Variants in KMT2C observed in about 807,000 individuals in gnomAD.
KMT2C encodes the protein histone-lysine N-methyltransferase 2C.
KMT2C carries 88 observed loss-of-function variants against 507.9 expected under a neutral mutation model. The ratio of observed to expected loss-of-function variants is 0.17; its 90% CI spans 0.15 to 0.21. The LOEUF (loss-of-function observed/expected upper bound fraction) is 0.21, where lower values mean the gene tolerates loss of function less well. Among genes scored for constraint, KMT2C ranks in the 10% least tolerant of loss-of-function variants. The probability of loss-of-function intolerance (pLI) is 1.00; values close to 1 mark genes in which losing one functional copy is unlikely to be tolerated. For missense variants in KMT2C, 4,954 were observed against 5,957.8 expected, an observed-to-expected ratio of 0.83 and a Z score of 5.55; for synonymous variants, 2,049 against 2,080.8, an observed-to-expected ratio of 0.98 and a Z score of 0.42.
rs2093257549 is a variant in KMT2C, at chr7:152,177,546, C to T, written c.7907G>A (p.Gly2636Asp). Residue 2636 changes from glycine to aspartate, a missense_variant, in exon 38 of 59, where the codon GGT becomes GAT. By Grantham distance (94) the Gly-to-Asp change is moderately conservative. Around this residue, in one of 29 missense-constraint regions of KMT2C, gnomAD observed 1,689 missense variants for 1,654.3 expected, o/e 1.02. Coordinates refer to ENST00000262189, the MANE Select transcript of KMT2C (RefSeq NM_170606.3). Reference protein sequence around the residue: ...EQVPPSQQEQGHSVHSSSMVM... With the variant: ...EQVPPSQQEQDHSVHSSSMVM... ...CATAGAAGATGAATGGACAGAATGACCTTGCTCTTGTTGAGATGGTGGCAC... is the reference window on the plus strand; with the variant it reads ...CATAGAAGATGAATGGACAGAATGATCTTGCTCTTGTTGAGATGGTGGCAC... The T allele has an allele frequency of 1.2e-6, 2 of 1,614,038 alleles. No individual in the cohort carries two copies. Among genetic ancestry groups the T allele is most frequent in the African/African-American group, 1.3e-5 (1 of 74,916 alleles).
At chr7:152,405,538 C>T (rs992971790) in intron 1 of KMT2C, among the ~76,000 whole-genome samples, 11 of 150,578 alleles carry the variant, frequency 7.3e-5, no homozygotes, top group African/African-American at 2.8e-4. Context: ...AGCCACTACA[C>T]GCTGCCTAGT....
chr7:152,138,652 G>A lies in KMT2C; in HGVS notation c.14643+144C>T. 3 of 583,794 alleles carry A rather than the reference G, an allele frequency of 5.1e-6. No individual in the cohort carries two copies. Among genetic ancestry groups the A allele is most frequent in the Non-Finnish European group, 9.1e-6 (3 of 328,244 alleles). 36.2% of individuals were successfully genotyped at this position (583,794 alleles called of 1,614,324 possible). A position where few individuals can be genotyped will look rare whatever the true frequency, so the allele number is the denominator to read the frequency against. ...AGTGCCTGAAGGGTGAGATACTGCA[G>A]GGTGGGAACATCTGGCCTATTATGG... On this transcript the variant is annotated intron_variant, in intron 58 of 58. Coordinates refer to ENST00000262189, the MANE Select transcript of KMT2C (RefSeq NM_170606.3). This position sits in a 1 kb window ranked among gnomAD's most constrained non-coding sequence, Gnocchi z 4.2.
At position 152,235,808 on chromosome 7, in the gene KMT2C, A is replaced by C. The variant is rs374412721; in HGVS notation, c.2769+9T>G. On this transcript the variant is annotated intron_variant, in intron 16 of 58. Coordinates refer to ENST00000262189, the MANE Select transcript of KMT2C (RefSeq NM_170606.3). The stretch of plus-strand genomic sequence containing the variant: ...AGATTAGAGAAAATATACATGAAGC[A>C]AGCCTCACCCCAGGTAATACAACAG... 17 of 1,507,664 alleles carry C rather than the reference A, an allele frequency of 1.1e-5. No homozygotes were observed. The East Asian group carries it at 2.0e-4, about 18-fold the overall frequency. 93.4% of individuals were successfully genotyped at this position (1,507,664 alleles called of 1,614,324 possible).
rs1429668391 is a variant in KMT2C at position 152,292,686 on chromosome 7, C to T, written c.849+17280G>A. 2.0e-5 allele frequency among the ~76,000 whole-genome samples: 3 copies of T among 152,170 alleles called. No homozygotes were observed. In the East Asian group the frequency reaches 5.8e-4, roughly 29 times the overall value. ...GGCTGTCATTTGCTGACACCTCCAT[C>T]CACCCCTCTGTAGCCTTCAGGGTCC... On this transcript the variant is annotated intron_variant, in intron 6 of 58. Coordinates refer to ENST00000262189, the MANE Select transcript of KMT2C (RefSeq NM_170606.3).
intron 58 of KMT2C, 120 bp from the exon 59 acceptor site, chr7:152,137,044 TG>T: frequency 1.3e-6 from 1 of 742,244 alleles, no homozygotes; most frequent in Non-Finnish European, 2.3e-6. Flanking sequence ...AAGGAAGACC[TG>T]ATTTATTGAG....
chr7:152,374,620 C>T (rs922664836), intron 1 of KMT2C, among the ~76,000 whole-genome samples: 5 of 151,858 alleles, frequency 3.3e-5, no homozygotes, highest in Admixed American at 1.3e-4. Flanking sequence ...ACAATCAGGC[C>T]GGGTGTGCTG....
At chr7:152,352,085 C>T (rs1013212538) in intron 2 of KMT2C, among the ~76,000 whole-genome samples, 17 of 152,342 alleles carry the variant, frequency 1.1e-4, no homozygotes, top group African/African-American at 3.8e-4. Flanking sequence ...AATTCTTTTT[C>T]TCAGCAAGGA....
At chr7:152,378,961 G>C (rs1172321515) in intron 1 of KMT2C, among the ~76,000 whole-genome samples, 1 of 151,940 alleles carries the variant, frequency 6.6e-6, no homozygotes, top group Non-Finnish European at 1.5e-5. Flanking sequence ...ATATATAAAA[G>C]TTGTCCTCTT....
intron 2 of KMT2C, among the ~76,000 whole-genome samples, chr7:152,334,561 C>T (rs1311109399): frequency 1.3e-5 from 2 of 151,922 alleles, no homozygotes; most frequent in African/African-American, 2.4e-5. Flanking sequence ...GACTTTATTC[C>T]CCAACCCTCT....
rs2129092552 is a variant in KMT2C, at chr7:152,144,658, G to C, written c.14343+55C>G. On this transcript the variant is annotated intron_variant, in intron 55 of 58. Transcript: ENST00000262189. The surrounding 1 kb of genome is among the most constrained non-coding windows in gnomAD (Gnocchi z 4.4). Reference sequence around the variant, plus strand: ...CACATACTGGACATCAATAGCTTCAGATTGCTAGACTCCACCCTGTCTCTC... The same window carrying C: ...CACATACTGGACATCAATAGCTTCACATTGCTAGACTCCACCCTGTCTCTC... 1 of 1,528,150 alleles carries C rather than the reference G, an allele frequency of 6.5e-7. No homozygotes were observed. The highest frequency in any genetic ancestry group is 9.0e-7 in the Non-Finnish European group (1 of 1,115,376). The allele number at this position is 1,528,150 out of a possible 1,614,324, so 94.7% of individuals were successfully genotyped here.
At chr7:152,209,242 G>C (rs1277061356) in intron 23 of KMT2C, among the ~76,000 whole-genome samples, 1 of 151,760 alleles carries the variant, frequency 6.6e-6, no homozygotes, top group Non-Finnish European at 1.5e-5. Flanking sequence ...AGATCACGAG[G>C]TCAGGAGATC....
chr7:152,290,258 G>GTGTGTA (rs1337492088), intron 6 of KMT2C, among the ~76,000 whole-genome samples: 1 of 26,242 alleles, frequency 3.8e-5, no homozygotes, highest in African/African-American at 1.4e-4. Context: ...GTGTGTATGT[G>GTGTGTA]TATATATATA....
chr7:152,379,140 C>T (rs188885110), intron 1 of KMT2C, among the ~76,000 whole-genome samples: 2 of 152,242 alleles, frequency 1.3e-5, no homozygotes. Flanking sequence ...TTTTTCAATG[C>T]CCTTTTTTTA....
chr7:152,210,188 T>C (rs2094421467), intron 23 of KMT2C, among the ~76,000 whole-genome samples: 2 of 152,152 alleles, frequency 1.3e-5, no homozygotes, highest in Admixed American at 1.3e-4. Flanking sequence ...GTATGAGGTT[T>C]GAAAAGACTG....
intron 42 of KMT2C, among the ~76,000 whole-genome samples, chr7:152,166,089 G>A (rs1275656478): frequency 6.6e-6 from 1 of 151,650 alleles, no homozygotes; most frequent in African/African-American, 2.4e-5. Context: ...GTAAATGGAA[G>A]TGCTTCCTAC....
Position 152,419,337 on chromosome 7 carries a change from C to T in KMT2C, c.161+16289G>A, listed in dbSNP as rs868130443. Among the ~76,000 whole-genome samples the T allele has an allele frequency of 3.3e-5, 5 of 151,722 alleles. No homozygotes were observed. In the Middle Eastern group the frequency reaches 0.017, roughly 516 times the overall value. ...CTGGGCTCCAGCCTGGGCAACAGAG[C>T]GAGACTCTGTCTCCAAAAAAAAAAG... On this transcript the variant is annotated intron_variant, in intron 1 of 58. Coordinates refer to ENST00000262189, the MANE Select transcript of KMT2C (RefSeq NM_170606.3).
chr7:152,338,221 TTAA>T lies in KMT2C; in HGVS notation c.251-7485_251-7483del, dbSNP rs748179918. ...GAATTATTAAATTGCATTATGAGAA[TTAA>T]TGAGAATAAAGAAGACATTTATTTA... On this transcript the variant is annotated intron_variant, in intron 2 of 58. Coordinates refer to ENST00000262189, the MANE Select transcript of KMT2C (RefSeq NM_170606.3). Among the ~76,000 whole-genome samples, 3 of 152,194 alleles carry T rather than the reference TTAA, an allele frequency of 2.0e-5. 1 individual carries two copies. Among genetic ancestry groups the T allele is most frequent in the South Asian group, 4.1e-4 (2 of 4,828 alleles).
At chr7:152,334,590 A>C (rs972075462) in intron 2 of KMT2C, among the ~76,000 whole-genome samples, 2 of 152,170 alleles carry the variant, frequency 1.3e-5, no homozygotes, top group Non-Finnish European at 2.9e-5. Context: ...AACCATGGCA[A>C]GTTCTCACCG....
chr7:152,366,449 A>C (rs953053589), intron 1 of KMT2C, among the ~76,000 whole-genome samples: 2 of 152,218 alleles, frequency 1.3e-5, no homozygotes, highest in Admixed American at 6.5e-5. Context: ...CTACAACATA[A>C]ATGAACCTTG....
Sources: allele counts gnomAD v4.1 joint callset (sites outside exome capture counted in the v4.1 genomes callset), GRCh38; gene constraint gnomAD v4.1.1; regional missense constraint gnomAD v4.1.1; non-coding constraint Gnocchi (gnomAD v3.1); transcripts MANE v1.5; gene names NCBI Gene and HGNC (gene_info 2026-07-23, HGNC 2026-07-21).